CRLF3: variants seen among roughly 807,000 people sequenced by gnomAD.
The protein encoded by CRLF3 is cytokine receptor like factor 3.
Under a neutral mutation model 55.0 loss-of-function variants are expected in CRLF3, and 33 were observed. The observed-to-expected ratio is 0.60, with a 90% confidence interval of 0.46 to 0.80. The LOEUF (loss-of-function observed/expected upper bound fraction) is 0.80. Ranked by LOEUF, CRLF3 falls within the 30% of genes least tolerant of loss-of-function variation. CRLF3 has a pLI of 0.00. For synonymous variants in CRLF3, 238 were observed against 196.8 expected, an observed-to-expected ratio of 1.21 and a Z score of -1.75; for missense variants, 494 against 538.4, an observed-to-expected ratio of 0.92 and a Z score of 0.82.
intron 2 of CRLF3, among the ~76,000 whole-genome samples, chr17:30,797,940 ATTTTT>A (rs561112215): frequency 1.6e-5 from 2 of 125,234 alleles, no homozygotes; most frequent in Non-Finnish European, 1.7e-5. Context: ...ATGCCCAGCT[ATTTTT>A]TTTTTTTTTT....
At chr17:30,813,367 G>C (rs1019787003) in intron 1 of CRLF3, among the ~76,000 whole-genome samples, 2 of 152,248 alleles carry the variant, frequency 1.3e-5, no homozygotes, top group South Asian at 2.1e-4. Flanking sequence ...TCTGGTAAGG[G>C]GGATGGCAAG....
chr17:30,804,949 G>A (rs551664401), intron 1 of CRLF3, among the ~76,000 whole-genome samples: 5 of 152,268 alleles, frequency 3.3e-5, no homozygotes, highest in South Asian at 2.1e-4. Context: ...TTGGGAGGCC[G>A]AGGAGGGCAG....
intron 4 of CRLF3, among the ~76,000 whole-genome samples, chr17:30,795,144 T>C (rs900932000): frequency 6.6e-6 from 1 of 151,898 alleles, no homozygotes; most frequent in Admixed American, 6.6e-5. Flanking sequence ...TGTTAGAAAA[T>C]AACAACAGCA....
At chr17:30,818,647 T>A (rs998909823) in intron 1 of CRLF3, among the ~76,000 whole-genome samples, 3 of 151,188 alleles carry the variant, frequency 2.0e-5, no homozygotes, top group Non-Finnish European at 4.4e-5. Context: ...AAAGATAGGT[T>A]TTCATCGTAT....
intron 4 of CRLF3, among the ~76,000 whole-genome samples, chr17:30,794,448 A>G (rs1284849115): frequency 6.6e-6 from 1 of 152,236 alleles, no homozygotes; most frequent in African/African-American, 2.4e-5. Flanking sequence ...AAAAATGTAT[A>G]TTATGAATAT....
chr17:30,821,084 C>T (rs1347358708), intron 1 of CRLF3, among the ~76,000 whole-genome samples: 1 of 147,280 alleles, frequency 6.8e-6, no homozygotes, highest in Non-Finnish European at 1.5e-5. Flanking sequence ...GGTGCGGTGG[C>T]TCAAGCCTGT....
Position 30,784,316 on chromosome 17 carries a change from G to T in CRLF3, c.1200C>A (p.Phe400Leu). The T allele has an allele frequency of 6.2e-7, 1 of 1,614,172 alleles. No homozygotes were observed. The highest frequency in any genetic ancestry group is 8.5e-7 in the Non-Finnish European group (1 of 1,180,018). ...GTTSNNEGGH[F>L]KLRVTISSNN... ...TTGAACTTATAGTTACTCGAAGCTTGAAGTGTCCACCTTCATTATTACTGG... is the reference window on the plus strand; with the variant it reads ...TTGAACTTATAGTTACTCGAAGCTTTAAGTGTCCACCTTCATTATTACTGG... Residue 400 changes from phenylalanine to leucine, a missense_variant, in exon 8 of 8, where the codon TTC becomes TTA. Phe to Leu is a conservative substitution (Grantham distance 22). Coordinates refer to ENST00000324238, the MANE Select transcript of CRLF3 (RefSeq NM_015986.4).
chr17:30,811,735 T>C (rs6505214), intron 1 of CRLF3, among the ~76,000 whole-genome samples: 19,482 of 112,922 alleles, frequency 0.17, 1,384 homozygotes, highest in South Asian at 0.3. Flanking sequence ...ACCTGGGAGG[T>C]GGAGGTTGCA....
chr17:30,785,127 G>A (rs1971610748), intron 7 of CRLF3: 1 of 124,210 alleles, frequency 8.1e-6, no homozygotes, highest in South Asian at 2.4e-4. Context: ...GTCTCACACT[G>A]TTACCTGGCA....
At chr17:30,788,582 T>C (rs937367238) in intron 6 of CRLF3, among the ~76,000 whole-genome samples, 1 of 134,248 alleles carries the variant, frequency 7.4e-6, no homozygotes, top group Non-Finnish European at 1.6e-5. Flanking sequence ...CTGGGATAAA[T>C]AACAAAGTAG....
rs1473679338 is a variant in CRLF3 at position 30,784,349 on chromosome 17, T to C, written c.1167A>G (p.Leu389=). 7.4e-6 allele frequency: 12 copies of C among 1,613,960 alleles called. No individual in the cohort carries two copies. Among genetic ancestry groups the C allele is most frequent in the Admixed American group, 1.7e-5 (1 of 59,988 alleles). ...CACCTTCATTATTACTGGTGGTTCCTAGAGTCACGGCTTCAATGTCAAACG... is the reference window on the plus strand; with the variant it reads ...CACCTTCATTATTACTGGTGGTTCCCAGAGTCACGGCTTCAATGTCAAACG... ...TVTFDIEAVT[L]GTTSNNEGGH... The change falls in exon 8 of 8, where the codon CTA becomes CTG. Residue 389 remains leucine, a synonymous_variant. Transcript: ENST00000324238.
chr17:30,799,281 ATAAGT>A (rs960501055), intron 2 of CRLF3, among the ~76,000 whole-genome samples: 8 of 152,216 alleles, frequency 5.3e-5, no homozygotes, highest in African/African-American at 9.6e-5. Context: ...TCAAAAATAA[ATAAGT>A]TAATTAATTA....
chr17:30,817,408 A>G (rs1330143485), intron 1 of CRLF3, among the ~76,000 whole-genome samples: 10 of 152,030 alleles, frequency 6.6e-5, no homozygotes, highest in South Asian at 6.2e-4. Flanking sequence ...ACTGCACTCC[A>G]GTCTGGGTGA....
At chr17:30,784,665 T>C (rs1160999348) in intron 7 of CRLF3, 3 of 437,338 alleles carry the variant, frequency 6.9e-6, no homozygotes, top group Non-Finnish European at 8.1e-6. Flanking sequence ...TTGACAGTGT[T>C]ACAAAATTAC....
intron 3 of CRLF3, among the ~76,000 whole-genome samples, chr17:30,796,600 A>G (rs967311400): frequency 1.3e-5 from 2 of 152,214 alleles, no homozygotes; most frequent in Admixed American, 6.5e-5. Context: ...TCAACAATAC[A>G]TTGATAATTT....
intron 4 of CRLF3, among the ~76,000 whole-genome samples, chr17:30,795,701 C>A (rs1041817988): frequency 6.6e-6 from 1 of 151,870 alleles, no homozygotes; most frequent in African/African-American, 2.4e-5. Flanking sequence ...TTTGGGTGGC[C>A]GAGGCGAGTG....
intron 1 of CRLF3, among the ~76,000 whole-genome samples, chr17:30,818,239 G>A (rs1041038804): frequency 4.0e-5 from 6 of 151,584 alleles, no homozygotes; most frequent in South Asian, 4.2e-4. Flanking sequence ...CAGCCTGGGC[G>A]ACAAGAGCGA....
chr17:30,793,518 C>T lies in CRLF3; in HGVS notation c.758G>A (p.Gly253Glu). 3.1e-6 allele frequency: 5 copies of T among 1,614,102 alleles called. No homozygotes were observed. The highest frequency in any genetic ancestry group is 1.7e-5 in the Admixed American group (1 of 59,992). The change falls in exon 5 of 8, where the codon GGA (glycine) becomes GAA (glutamate). Residue 253 changes from glycine (G) to glutamate (E), a missense_variant. Coordinates refer to ENST00000324238, the MANE Select transcript of CRLF3 (RefSeq NM_015986.4). ...VDYQFRVCAR[G>E]DGRQEWSPWS... is the part of the protein sequence containing the mutation. ...AGGACTCCACTCCTGTCGGCCATCT[C>T]CTCGGGCGCAGACTCTGAACTGGTA...
chr17:30,793,407 A>G (rs1597918801), intron 5 of CRLF3, 43 bp downstream of exon 5: 2 of 1,464,264 alleles, frequency 1.4e-6, no homozygotes, highest in Non-Finnish European at 1.9e-6. Context: ...CAGGTATTCT[A>G]ATATATAGTT....
Sources: allele counts gnomAD v4.1 joint callset (sites outside exome capture counted in the v4.1 genomes callset), GRCh38; gene constraint gnomAD v4.1.1; transcripts MANE v1.5; gene names NCBI Gene and HGNC (gene_info 2026-07-23, HGNC 2026-07-21).